The following LMNTD1 variants were observed in gnomAD, a reference collection of about 807,000 sequenced individuals.
LMNTD1 encodes lamin tail domain containing 1, also known as lamin tail domain-containing protein 1.
LMNTD1 carries 35 observed loss-of-function variants against 50.9 expected under a neutral mutation model. That is an observed-to-expected ratio of 0.69 (90% CI 0.53 to 0.91). LMNTD1 has a LOEUF of 0.91. LMNTD1 is among the 40% of genes least tolerant of loss of function. LMNTD1 has a pLI of 0.00. For synonymous variants in LMNTD1, 153 were observed against 161.9 expected, an observed-to-expected ratio of 0.94 and a Z score of 0.42; for missense variants, 470 against 475.5, an observed-to-expected ratio of 0.99 and a Z score of 0.11.
intron 9 of LMNTD1, among the ~76,000 whole-genome samples, chr12:25,496,479 A>C (rs1939073075): frequency 6.6e-6 from 1 of 152,200 alleles, no homozygotes; most frequent in Admixed American, 6.5e-5. Flanking sequence ...TTAATGGTGC[A>C]AAGTGGCAAA....
At chr12:25,478,905 C>T (rs916551105) in intron 9 of LMNTD1, among the ~76,000 whole-genome samples, 5 of 151,802 alleles carry the variant, frequency 3.3e-5, no homozygotes, top group African/African-American at 1.2e-4. Flanking sequence ...TGGAATGACC[C>T]AAACTTTCAT....
intron 1 of LMNTD1, chr12:25,648,351 C>T (rs567036161): frequency 1.5e-5 from 10 of 659,668 alleles, no homozygotes; most frequent in Non-Finnish European, 2.4e-5. Context: ...AGAAATTTCA[C>T]GTTTATGAAA....
At chr12:25,635,971 A>G (rs1023507858) in intron 1 of LMNTD1, among the ~76,000 whole-genome samples, 1 of 152,252 alleles carries the variant, frequency 6.6e-6, no homozygotes, top group Admixed American at 6.5e-5. Flanking sequence ...CTCACCTTAT[A>G]CAAAAATCAA....
chr12:25,556,630 T>G (rs978242938), upstream of LMNTD1, among the ~76,000 whole-genome samples: 1 of 152,152 alleles, frequency 6.6e-6, no homozygotes, highest in South Asian at 2.1e-4. Context: ...TTACCCCGCG[T>G]TGGGAAAGTA....
chr12:25,634,058 A>G (rs1946772960), intron 1 of LMNTD1, among the ~76,000 whole-genome samples: 1 of 152,250 alleles, frequency 6.6e-6, no homozygotes, highest in Admixed American at 6.5e-5. Flanking sequence ...GAACACCTTC[A>G]TGCACATAAA....
intron 1 of LMNTD1, among the ~76,000 whole-genome samples, chr12:25,602,241 T>G (rs891008652): frequency 2.6e-5 from 4 of 151,890 alleles, no homozygotes; most frequent in African/African-American, 9.7e-5. Flanking sequence ...GGTTGCCACT[T>G]GTTAATCCTA....
intron 9 of LMNTD1, among the ~76,000 whole-genome samples, chr12:25,487,530 C>G (rs1483315007): frequency 5.2e-4 from 75 of 143,010 alleles, no homozygotes; most frequent in African/African-American, 1.8e-3. Context: ...ATGTGTGTCT[C>G]TGCACGTGAG....
At chr12:25,525,855 AT>A (rs895464891) in intron 6 of LMNTD1, among the ~76,000 whole-genome samples, 103 of 152,242 alleles carry the variant, frequency 6.8e-4, no homozygotes, top group Middle Eastern at 3.4e-3. Flanking sequence ...GTGCTCTTCC[AT>A]TTGACAACAT....
At chr12:25,486,854 C>T (rs1048264230) in intron 9 of LMNTD1, among the ~76,000 whole-genome samples, 1,566 of 151,418 alleles carry the variant, frequency 0.01, 28 homozygotes, top group African/African-American at 0.036. Flanking sequence ...AGGGATGAAG[C>T]CCACTTGATC....
At chr12:25,546,312 T>A (rs963467902) in intron 4 of LMNTD1, 62 bp downstream of exon 4, 20 of 1,028,514 alleles carry the variant, frequency 1.9e-5, no homozygotes, top group Non-Finnish European at 2.7e-5. Flanking sequence ...AACTTTGTTT[T>A]CTGCTGATTT....
chr12:25,644,301 T>A (rs1372780864), intron 1 of LMNTD1, among the ~76,000 whole-genome samples: 2 of 101,180 alleles, frequency 2.0e-5, no homozygotes, highest in African/African-American at 8.3e-5. Context: ...CATAGTGATA[T>A]CCCTTTCTCT....
intron 1 of LMNTD1, among the ~76,000 whole-genome samples, chr12:25,619,242 CTCTCTCTCTCTA>C (rs1294117332): frequency 1.7e-4 from 12 of 70,978 alleles, no homozygotes; most frequent in African/African-American, 3.4e-4. Flanking sequence ...CTCTCTCTCT[CTCTCTCTCTCTA>C]TATATATATA....
intron 1 of LMNTD1, among the ~76,000 whole-genome samples, chr12:25,615,653 G>T (rs1393301454): frequency 6.6e-6 from 1 of 151,966 alleles, no homozygotes; most frequent in African/African-American, 2.4e-5. Context: ...TAGAGACAGG[G>T]TTTCAACATG....
intron 1 of LMNTD1, among the ~76,000 whole-genome samples, chr12:25,616,789 G>A (rs778532042): frequency 2.8e-4 from 43 of 152,138 alleles, no homozygotes; most frequent in South Asian, 6.2e-4. Context: ...GAAAAAAAGC[G>A]AAACTATAGG....
intron 1 of LMNTD1, among the ~76,000 whole-genome samples, chr12:25,569,281 G>T (rs1312984210): frequency 2.0e-5 from 3 of 152,246 alleles, no homozygotes; most frequent in Non-Finnish European, 4.4e-5. Context: ...CTGGGTTTCA[G>T]ACTTGCATGG....
chr12:25,646,965 C>G lies in LMNTD1; in HGVS notation c.58+1529G>C, dbSNP rs571795924. Reference sequence around the variant, plus strand: ...GGTTGTTGATGTACCTTGTTTAAGACCCATCAACTAGTAAAAAGCAGAATT... The same window carrying G: ...GGTTGTTGATGTACCTTGTTTAAGAGCCATCAACTAGTAAAAAGCAGAATT... On this transcript the variant is annotated intron_variant, in intron 1 of 7. Transcript: ENST00000445693. Among the ~76,000 whole-genome samples the G allele has an allele frequency of 2.0e-5, 3 of 152,270 alleles. No individual in the cohort carries two copies. In the South Asian group the frequency reaches 6.2e-4, roughly 32 times the overall value.
chr12:25,621,589 A>G lies in LMNTD1; in HGVS notation c.58+26905T>C, dbSNP rs73078387. Among the ~76,000 whole-genome samples the G allele has an allele frequency of 3.6e-3, 551 of 152,288 alleles. 1 individual carries two copies. Among genetic ancestry groups the G allele is most frequent in the Middle Eastern group, 6.8e-3 (2 of 294 alleles). On this transcript the variant is annotated intron_variant, in intron 1 of 7. Transcript: ENST00000445693. ...GTTTATATTATATCTGAAAGTTTGT[A>G]TCGTTTGACCAACACCTCCTCATAT...
intron 9 of LMNTD1, among the ~76,000 whole-genome samples, chr12:25,483,641 G>T (rs541655138): frequency 1.3e-5 from 2 of 151,592 alleles, no homozygotes; most frequent in African/African-American, 2.4e-5. Context: ...TCATGGTGGC[G>T]CTTGCCTGTA....
intron 8 of LMNTD1, among the ~76,000 whole-genome samples, chr12:25,505,485 C>T (rs1939688227): frequency 6.6e-6 from 1 of 152,114 alleles, no homozygotes; most frequent in African/African-American, 2.4e-5. Flanking sequence ...TAAGAAGCAG[C>T]ACATAAACTG....
Sources: gnomAD v4.1 joint callset for allele counts (sites outside exome capture counted in the v4.1 genomes callset) on GRCh38, gnomAD v4.1.1 for gene constraint, MANE v1.5 for transcripts, NCBI Gene and HGNC (gene_info 2026-07-23, HGNC 2026-07-21) for gene names.